The following FRA10AC1 variants were observed in gnomAD, a reference collection of about 807,000 sequenced individuals.
The protein encoded by FRA10AC1 is protein FRA10AC1.
FRA10AC1 carries 43 observed loss-of-function variants against 56.5 expected under a neutral mutation model. The ratio of observed to expected loss-of-function variants is 0.76; its 90% CI spans 0.60 to 0.98. The LOEUF is 0.98. Among genes scored for constraint, FRA10AC1 ranks in the 50% least tolerant of loss-of-function variants. The probability of loss-of-function intolerance (pLI) is 0.00; values close to 1 mark genes in which losing one functional copy is unlikely to be tolerated. For missense variants in FRA10AC1, 346 were observed against 351.8 expected (o/e 0.98, Z 0.13); for synonymous variants, 112 against 110.5 (o/e 1.01, Z -0.09).
In FRA10AC1 at chr10:93,669,543, T is replaced by G; in HGVS notation, c.*283A>C. 3.3e-6 allele frequency: 1 copy of G among 306,842 alleles called. No homozygotes were observed. The highest frequency in any genetic ancestry group is 5.9e-6 in the Non-Finnish European group (1 of 168,356). 19.0% of individuals were successfully genotyped at this position (306,842 alleles called of 1,614,324 possible). A position where few individuals can be genotyped will look rare whatever the true frequency, so the allele number is the denominator to read the frequency against. ...GCAGTGAAAAAAAACCTACAAAATGTAGGAACAATGGAATCTGTCCAGCTC... is the reference window on the plus strand; with the variant it reads ...GCAGTGAAAAAAAACCTACAAAATGGAGGAACAATGGAATCTGTCCAGCTC... On this transcript the variant is annotated 3_prime_UTR_variant, in exon 14 of 14. Transcript: ENST00000359204.
At chr10:93,694,613 C>G (rs1431386800) in intron 5 of FRA10AC1, among the ~76,000 whole-genome samples, 3 of 150,558 alleles carry the variant, frequency 2.0e-5, no homozygotes, top group Non-Finnish European at 2.9e-5. Flanking sequence ...ACTCGGGAGC[C>G]TGAGGTAGGA....
At chr10:93,702,127 C>A (rs2059344336) in intron 1 of FRA10AC1, among the ~76,000 whole-genome samples, 1 of 151,952 alleles carries the variant, frequency 6.6e-6, no homozygotes, top group African/African-American at 2.4e-5. Context: ...TCCATCCGAC[C>A]CATACCTATC....
chr10:93,671,990 C>A, intron 12 of FRA10AC1: 1 of 423,158 alleles, frequency 2.4e-6, no homozygotes, highest in South Asian at 1.8e-5. Flanking sequence ...TATTAGTCAA[C>A]TAAAAATTTA....
chr10:93,696,378 C>T (rs1166891023), intron 4 of FRA10AC1, among the ~76,000 whole-genome samples: 1 of 152,190 alleles, frequency 6.6e-6, no homozygotes, highest in East Asian at 1.9e-4. Context: ...ACAATAACTA[C>T]TCTACTCTTG....
At chr10:93,699,942 A>T in intron 2 of FRA10AC1, 88 bp downstream of exon 2, 1 of 742,608 alleles carries the variant, frequency 1.3e-6, no homozygotes, top group Non-Finnish European at 2.2e-6. Flanking sequence ...ATGTAAACAG[A>T]ATTCAAAAAT....
intron 4 of FRA10AC1, 78 bp from the exon 5 acceptor site, chr10:93,695,015 A>G (rs2059208474): frequency 2.6e-6 from 2 of 760,654 alleles, no homozygotes; most frequent in Middle Eastern, 2.8e-4. Context: ...TGGTGGTAAA[A>G]AAAAGCACAA....
Position 93,669,209 on chromosome 10 carries a change from G to C in FRA10AC1, c.*617C>G, listed in dbSNP as rs1028787645. Reference sequence around the variant, plus strand: ...ATGGGAGAGCAGGTACTTAAAAGAAGGGTGCCAGTTTATCAATGGGAAAGA... The same window carrying C: ...ATGGGAGAGCAGGTACTTAAAAGAACGGTGCCAGTTTATCAATGGGAAAGA... On this transcript the variant is annotated 3_prime_UTR_variant, in exon 14 of 14. Coordinates refer to ENST00000359204, the MANE Select transcript of FRA10AC1 (RefSeq NM_145246.5). 6 of 152,180 alleles carry C rather than the reference G, an allele frequency of 3.9e-5. No homozygotes were observed. The highest frequency in any genetic ancestry group is 3.9e-4 in the Admixed American group (6 of 15,240). 9.4% of individuals were successfully genotyped at this position (152,180 alleles called of 1,614,324 possible).
Position 93,669,621 on chromosome 10 carries a change from A to G in FRA10AC1, c.*205T>C. ...GAATTGTAGATAAGCAATTGAAAAGATATTTAAAGGACAGGAAAGTCTTTA... is the reference window on the plus strand; with the variant it reads ...GAATTGTAGATAAGCAATTGAAAAGGTATTTAAAGGACAGGAAAGTCTTTA... On this transcript the variant is annotated 3_prime_UTR_variant, in exon 14 of 14. Coordinates refer to ENST00000359204, the MANE Select transcript of FRA10AC1 (RefSeq NM_145246.5). 1.8e-6 allele frequency: 1 copy of G among 541,988 alleles called. No individual in the cohort carries two copies. Among genetic ancestry groups the G allele is most frequent in the Non-Finnish European group, 3.3e-6 (1 of 303,938 alleles). The allele number at this position is 541,988 out of a possible 1,614,324, so 33.6% of individuals were successfully genotyped here.
At chr10:93,701,080 T>C (rs10748609) in intron 1 of FRA10AC1, among the ~76,000 whole-genome samples, 38,747 of 152,062 alleles carry the variant, frequency 0.25, 5,435 homozygotes, top group African/African-American at 0.36. Flanking sequence ...GAGCAATCCG[T>C]CCACCTCAGC....
chr10:93,694,353 G>C (rs544000099), intron 5 of FRA10AC1, among the ~76,000 whole-genome samples: 1 of 152,136 alleles, frequency 6.6e-6, no homozygotes, highest in African/African-American at 2.4e-5. Context: ...CCTGAGGCCT[G>C]TCCAAAAAAA....
intron 4 of FRA10AC1, among the ~76,000 whole-genome samples, chr10:93,696,869 C>T (rs1174276357): frequency 6.6e-6 from 1 of 152,182 alleles, no homozygotes; most frequent in Non-Finnish European, 1.5e-5. Context: ...AAACCAAACA[C>T]CACATGTTGT....
intron 11 of FRA10AC1, among the ~76,000 whole-genome samples, chr10:93,679,768 A>C (rs772242032): frequency 7.9e-5 from 12 of 152,186 alleles, no homozygotes; most frequent in Non-Finnish European, 1.8e-4. Context: ...TGGGATGGCA[A>C]GACAGAGGCG....
At chr10:93,700,487 G>A (rs1240669286) in intron 1 of FRA10AC1, among the ~76,000 whole-genome samples, 1 of 152,190 alleles carries the variant, frequency 6.6e-6, no homozygotes, top group Non-Finnish European at 1.5e-5. Flanking sequence ...TAGACATTGT[G>A]TTAAATACTT....
At chr10:93,691,102 C>G (rs749078289) in intron 7 of FRA10AC1, among the ~76,000 whole-genome samples, 1 of 152,066 alleles carries the variant, frequency 6.6e-6, no homozygotes, top group Non-Finnish European at 1.5e-5. Flanking sequence ...ATGCAACATT[C>G]CCTCCTCTCA....
chr10:93,694,500 G>A (rs2059194738), intron 5 of FRA10AC1, among the ~76,000 whole-genome samples: 1 of 151,950 alleles, frequency 6.6e-6, no homozygotes, highest in Non-Finnish European at 1.5e-5. Flanking sequence ...TGGATCACAA[G>A]GTCACGAGTT....
rs1363273688 is a variant in FRA10AC1, at chr10:93,693,510, AC to A, written c.297-782del. On this transcript the variant is annotated intron_variant, in intron 5 of 13. Coordinates refer to ENST00000359204, the MANE Select transcript of FRA10AC1 (RefSeq NM_145246.5). ...TATATATATATATATATATATATAC[AC>A]CATATATATATATATACACCATATA... Among the ~76,000 whole-genome samples, 20 of 24,288 alleles carry A rather than the reference AC, an allele frequency of 8.2e-4. 1 individual carries two copies. Among genetic ancestry groups the A allele is most frequent in the Non-Finnish European group, 1.1e-3 (10 of 9,092 alleles). The allele number at this position is 24,288 out of a possible 152,430, so 15.9% of individuals were successfully genotyped here. A position where few individuals can be genotyped will look rare whatever the true frequency, so the allele number is the denominator to read the frequency against.
intron 6 of FRA10AC1, 71 bp downstream of exon 6, chr10:93,692,575 A>C (rs2059142683): frequency 1.0e-6 from 1 of 997,918 alleles, no homozygotes; most frequent in East Asian, 2.6e-5. Flanking sequence ...ACCTTGACTA[A>C]AAAACCACTC....
At chr10:93,702,921 CCT>C, upstream of FRA10AC1, 1 of 445,262 alleles carries the variant, frequency 2.2e-6, no homozygotes, top group Non-Finnish European at 4.5e-6. Context: ...CTCGGAGGAT[CCT>C]CTCAGAGCAG....
intron 8 of FRA10AC1, among the ~76,000 whole-genome samples, chr10:93,686,911 G>A (rs1482024972): frequency 6.6e-6 from 1 of 151,710 alleles, no homozygotes; most frequent in Non-Finnish European, 1.5e-5. Flanking sequence ...CCAAATGTCT[G>A]GTCTTTTGCT....
Sources: gnomAD v4.1 joint callset for allele counts (sites outside exome capture counted in the v4.1 genomes callset) on GRCh38, gnomAD v4.1.1 for gene constraint, MANE v1.5 for transcripts, NCBI Gene and HGNC (gene_info 2026-07-23, HGNC 2026-07-21) for gene names.